NCSTN: variants seen among roughly 807,000 people sequenced by gnomAD.
NCSTN encodes anterior pharynx-defective 2.
Under a neutral mutation model 87.0 loss-of-function variants are expected in NCSTN, and 22 were observed. That is an observed-to-expected ratio of 0.25 (90% CI 0.18 to 0.36). NCSTN has a LOEUF of 0.36. Ranked by LOEUF, NCSTN falls within the 10% of genes least tolerant of loss-of-function variation. NCSTN has a pLI of 1.00. For synonymous variants in NCSTN, 306 were observed against 327.1 expected (o/e 0.94, Z 0.69); for missense variants, 693 against 883.3 (o/e 0.78, Z 2.73).
chr1:160,356,129 G>A, intron 13 of NCSTN, 131 bp from the exon 14 acceptor site: 2 of 1,025,734 alleles, frequency 1.9e-6, no homozygotes, highest in Non-Finnish European at 1.5e-6. Flanking sequence ...TTATGAGCCA[G>A]CTACTGTCTC....
At chr1:160,349,701 C>T in intron 4 of NCSTN, 31 bp downstream of exon 4, 1 of 1,612,280 alleles carries the variant, frequency 6.2e-7, no homozygotes, top group Non-Finnish European at 8.5e-7. Context: ...GGAGAGCCTA[C>T]TGTCACCTAA....
intron 2 of NCSTN, among the ~76,000 whole-genome samples, chr1:160,347,910 G>A (rs1033958351): frequency 2.6e-5 from 4 of 152,200 alleles, no homozygotes; most frequent in African/African-American, 9.6e-5. Flanking sequence ...CACTGTGCCC[G>A]GCCGAAGTTA....
Position 160,354,143 on chromosome 1 carries a change from A to G in NCSTN, c.1205A>G (p.Glu402Gly). The G allele has an allele frequency of 6.2e-7, 1 of 1,614,056 alleles. No homozygotes were observed. The highest frequency in any genetic ancestry group is 2.2e-5 in the East Asian group (1 of 44,868). The stretch of plus-strand genomic sequence containing the variant: ...GTGGAGGATCTCCTGGCCACATTGG[A>G]GAAGAGTGGTGCTGGTGTCCCTGCT... Reference protein sequence around the residue: ...NQVEDLLATLEKSGAGVPAVI... With the variant: ...NQVEDLLATLGKSGAGVPAVI... The change falls in exon 11 of 17, where the codon GAG becomes GGG. Residue 402 changes from glutamate (E) to glycine (G), a missense_variant. Transcript: ENST00000294785.
At position 160,344,505 on chromosome 1, in the gene NCSTN, T is replaced by C. The variant is rs1378427249; in HGVS notation, c.86-217T>C. The C allele has an allele frequency of 5.8e-6, 9 of 1,545,414 alleles. No homozygotes were observed. In the African/African-American group the frequency reaches 1.2e-4, roughly 21 times the overall value. On this transcript the variant is annotated intron_variant, in intron 1 of 16. Transcript: ENST00000294785. ...ACTGTCAATGGCGCTACATGGACTT[T>C]GTAATAACCCTTTGAGGCACATAGC...
Position 160,356,731 on chromosome 1 carries a change from A to G in NCSTN, c.1771A>G (p.Lys591Glu). The change falls in exon 15 of 17, where the codon AAA (lysine) becomes GAA (glutamate). Residue 591 changes from lysine to glutamate, a missense_variant. By Grantham distance (56) the Lys-to-Glu change is moderately conservative. Coordinates refer to ENST00000294785, the MANE Select transcript of NCSTN (RefSeq NM_015331.3). ...LTREQCQDPS[K>E]VPSENKDLYE... ...CCGAGAGCAGTGCCAGGATCCAAGT[A>G]AAGTCCCAAGTGAAAACAAGGATGT... is the stretch of plus-strand genomic sequence containing the variant. 1 of 1,614,252 alleles carries G rather than the reference A, an allele frequency of 6.2e-7. No homozygotes were observed. The highest frequency in any genetic ancestry group is 8.5e-7 in the Non-Finnish European group (1 of 1,180,048).
In NCSTN at chr1:160,351,774, C is replaced by G; in HGVS notation, c.812C>G (p.Pro271Arg). 2 of 1,613,096 alleles carry G rather than the reference C, an allele frequency of 1.2e-6. No homozygotes were observed. The highest frequency in any genetic ancestry group is 1.7e-6 in the Non-Finnish European group (2 of 1,179,034). ...KPINTTGTLK[P>R]DDRVVVAATR... ...ATAAATACAACTGGGACATTAAAGC[C>G]TGACGACAGGGTTGTGGTTGCTGCC... Residue 271 changes from proline to arginine, a missense_variant, in exon 7 of 17, where the codon CCT (proline) becomes CGT (arginine). Coordinates refer to ENST00000294785, the MANE Select transcript of NCSTN (RefSeq NM_015331.3).
chr1:160,357,094 A>G lies in NCSTN; in HGVS notation c.1848A>G (p.Arg616=), dbSNP rs1268777829. ...QGPLHSNETD[R]LPRCVRSTAR... is the part of the protein sequence containing the mutation. ...CTTTGCATTCTAATGAGACGGACCG[A>G]CTCCCCCGGTGTGTGCGTTCTACTG... is the stretch of plus-strand genomic sequence containing the variant. The change falls in exon 16 of 17, where the codon CGA becomes CGG. Residue 616 remains arginine, a synonymous_variant. Transcript: ENST00000294785. 6.2e-7 allele frequency: 1 copy of G among 1,612,842 alleles called. No homozygotes were observed. Among genetic ancestry groups the G allele is most frequent in the Non-Finnish European group, 8.5e-7 (1 of 1,179,790 alleles).
Position 160,355,854 on chromosome 1 carries a change from C to T in NCSTN, c.1456-9C>T, listed in dbSNP as rs200740830. On this transcript the variant is annotated splice_polypyrimidine_tract_variant and intron_variant, in intron 12 of 16. Transcript: ENST00000294785. Reference sequence around the variant, plus strand: ...GTGGGCCATTCAGCCCCCTCCTCACCTACCACAGGCCCTGGCAGATGTGGC... The same window carrying T: ...GTGGGCCATTCAGCCCCCTCCTCACTTACCACAGGCCCTGGCAGATGTGGC... 6 of 1,613,584 alleles carry T rather than the reference C, an allele frequency of 3.7e-6. No homozygotes were observed. The highest frequency in any genetic ancestry group is 5.1e-6 in the Non-Finnish European group (6 of 1,179,608).
intron 10 of NCSTN, 99 bp downstream of exon 10, chr1:160,353,336 G>A: frequency 6.3e-7 from 1 of 1,591,782 alleles, no homozygotes; most frequent in Non-Finnish European, 8.6e-7. Flanking sequence ...CTGTGAGACA[G>A]GGTAAGAGAC....
chr1:160,344,547 C>T, intron 1 of NCSTN, 175 bp from the exon 2 acceptor site: 1 of 1,550,268 alleles, frequency 6.5e-7, no homozygotes, highest in Non-Finnish European at 8.7e-7. Context: ...CCATGTAGAA[C>T]ATGTATCTGT....
chr1:160,350,174 A>ATG lies in NCSTN; in HGVS notation c.507_508dup (p.Gly170ValfsTer33). On this transcript the variant is annotated frameshift_variant, in exon 5 of 17. Transcript: ENST00000294785. LOFTEE classifies it high-confidence loss of function. Reference sequence around the variant, plus strand: ...GAAATACAGTGGAATTCGCTGGGCAATGGTTTGGCTTATGAAGACTTTAGT... The same window carrying ATG: ...GAAATACAGTGGAATTCGCTGGGCAATGTGGTTTGGCTTATGAAGACTTTAGT... The ATG allele has an allele frequency of 6.2e-7, 1 of 1,614,114 alleles. No individual in the cohort carries two copies. The highest frequency in any genetic ancestry group is 8.5e-7 in the Non-Finnish European group (1 of 1,179,976).
chr1:160,348,928 G>T, intron 2 of NCSTN, 71 bp from the exon 3 acceptor site: 2 of 1,601,386 alleles, frequency 1.2e-6, no homozygotes, highest in South Asian at 1.1e-5. Flanking sequence ...TAAAAGATAC[G>T]CAGAATCAGT....
chr1:160,358,001 G>A, intron 16 of NCSTN, 148 bp from the exon 17 acceptor site: 1 of 985,602 alleles, frequency 1.0e-6, no homozygotes, highest in East Asian at 2.4e-5. Context: ...TCTGTAGGCT[G>A]GAGAGATGTT....
chr1:160,357,130 C>T lies in NCSTN; in HGVS notation c.1884C>T (p.Ala628=), dbSNP rs199742308. ...PRCVRSTARL[A]RALSPAFELS... is the part of the protein sequence containing the mutation. ...GTGTGCGTTCTACTGCACGATTAGC[C>T]AGGGCCTTGTCTCCTGCCTTTGAAC... is the stretch of plus-strand genomic sequence containing the variant. Residue 628 remains alanine (A), a synonymous_variant, in exon 16 of 17, where the codon GCC becomes GCT. Coordinates refer to ENST00000294785, the MANE Select transcript of NCSTN (RefSeq NM_015331.3). 7 of 1,614,142 alleles carry T rather than the reference C, an allele frequency of 4.3e-6. No homozygotes were observed. The highest frequency in any genetic ancestry group is 5.1e-6 in the Non-Finnish European group (6 of 1,180,022).
chr1:160,350,799 G>T (rs1648794786), intron 5 of NCSTN, among the ~76,000 whole-genome samples: 2 of 152,032 alleles, frequency 1.3e-5, no homozygotes, highest in African/African-American at 2.4e-5. Context: ...CTTAATTCTG[G>T]TCTAGTATTT....
Position 160,356,275 on chromosome 1 carries a change from T to A in NCSTN, c.1567T>A (p.Tyr523Asn), listed in dbSNP as rs929402893. The change falls in exon 14 of 17, where the codon TAT becomes AAT. Residue 523 changes from tyrosine (Y) to asparagine (N), a missense_variant. Physicochemically the swap from Tyr to Asn is moderately radical, Grantham distance 143 (BLOSUM62 -2). Coordinates refer to ENST00000294785, the MANE Select transcript of NCSTN (RefSeq NM_015331.3). ...CCAATCCTAGGTTACCCGCCTGCTC[T>A]ATGGGTTCCTGATTAAAGCCAACAA... ...ADPQTVTRLL[Y>N]GFLIKANNSW... is the part of the protein sequence containing the mutation. 6.2e-7 allele frequency: 1 copy of A among 1,613,142 alleles called. No individual in the cohort carries two copies. Among genetic ancestry groups the A allele is most frequent in the Non-Finnish European group, 8.5e-7 (1 of 1,179,066 alleles).
In NCSTN at chr1:160,358,367, T is replaced by C; in HGVS notation, c.*96T>C. On this transcript the variant is annotated 3_prime_UTR_variant, in exon 17 of 17. Transcript: ENST00000294785. ...CACTAATTTGTCACTGGAACCTCCC[T>C]GGGCCTGTCTCAGATTGGGATTAAC... 1 of 1,512,128 alleles carries C rather than the reference T, an allele frequency of 6.6e-7. No individual in the cohort carries two copies. Among genetic ancestry groups the C allele is most frequent in the Non-Finnish European group, 9.1e-7 (1 of 1,095,408 alleles). The allele number at this position is 1,512,128 out of a possible 1,614,324, so 93.7% of individuals were successfully genotyped here.
At chr1:160,355,503 C>T in intron 11 of NCSTN, 152 bp from the exon 12 acceptor site, 1 of 691,346 alleles carries the variant, frequency 1.4e-6, no homozygotes, top group South Asian at 1.6e-5. Flanking sequence ...GTTCTCCACA[C>T]CTTCTGCAAT....
Position 160,356,611 on chromosome 1 carries a change from C to T in NCSTN, c.1651C>T (p.Leu551Phe), listed in dbSNP as rs906639053. ...DLRSYLGDGPLQHYIAVSSPT... is the reference protein window; with the variant it reads ...DLRSYLGDGPFQHYIAVSSPT... The stretch of plus-strand genomic sequence containing the variant: ...TGGTCTGCACTCAGGTGACGGGCCT[C>T]TTCAACATTACATCGCTGTCTCCAG... The change falls in exon 15 of 17, where the codon CTT becomes TTT. Residue 551 changes from leucine to phenylalanine, a missense_variant. This residue lies in a region of NCSTN where 216 missense variants were observed against 311.7 expected (regional missense o/e 0.69). Coordinates refer to ENST00000294785, the MANE Select transcript of NCSTN (RefSeq NM_015331.3). 3.1e-6 allele frequency: 5 copies of T among 1,614,120 alleles called. No individual in the cohort carries two copies. In the African/African-American group the frequency reaches 5.3e-5, roughly 17 times the overall value.
Sources: allele counts gnomAD v4.1 joint callset (sites outside exome capture counted in the v4.1 genomes callset), GRCh38; gene constraint gnomAD v4.1.1; regional missense constraint gnomAD v4.1.1; transcripts MANE v1.5; gene names NCBI Gene and HGNC (gene_info 2026-07-23, HGNC 2026-07-21).